PDS5B: variants seen among roughly 807,000 people sequenced by gnomAD.
PDS5B encodes the protein PDS5 cohesin associated factor B.
A neutral mutation model predicts 184.1 loss-of-function variants in PDS5B; 51 were observed. The ratio of observed to expected loss-of-function variants is 0.28; its 90% confidence interval spans 0.22 to 0.35. PDS5B has a LOEUF of 0.35. PDS5B is among the 10% of genes least tolerant of loss of function. PDS5B has a pLI of 1.00. For missense variants in PDS5B, 1,180 were observed against 1,723.3 expected (o/e 0.68, Z 5.58); for synonymous variants, 566 against 569.2 (o/e 0.99, Z 0.08).
chr13:32,717,700 A>T (rs1318378864), intron 19 of PDS5B, among the ~76,000 whole-genome samples: 176 of 149,622 alleles, frequency 1.2e-3, no homozygotes, highest in African/African-American at 3.8e-3. Context: ...AAAAAAAAAA[A>T]AATAAATAAA....
At chr13:32,680,476 T>C (rs1226779854) in intron 10 of PDS5B, among the ~76,000 whole-genome samples, 5 of 152,248 alleles carry the variant, frequency 3.3e-5, no homozygotes, top group Non-Finnish European at 5.9e-5. Context: ...TACTAATGTG[T>C]TTGGGAAAAG....
intron 1 of PDS5B, among the ~76,000 whole-genome samples, chr13:32,633,247 A>C (rs2058485798): frequency 2.0e-5 from 3 of 152,212 alleles, no homozygotes; most frequent in Non-Finnish European, 4.4e-5. Flanking sequence ...GTGGTTGCAC[A>C]ATATTGTAAA....
At chr13:32,765,130 C>A (rs1031631285) in intron 31 of PDS5B, among the ~76,000 whole-genome samples, 1 of 152,082 alleles carries the variant, frequency 6.6e-6, no homozygotes, top group Admixed American at 6.5e-5. Flanking sequence ...TGTTTTAAGA[C>A]AAATTTGTTA....
chr13:32,722,658 T>C (rs1186351045), intron 19 of PDS5B, among the ~76,000 whole-genome samples: 1 of 152,272 alleles, frequency 6.6e-6, no homozygotes, highest in African/African-American at 2.4e-5. Flanking sequence ...GACTGTATTT[T>C]AAACAAATTA....
rs78390516 is a variant in PDS5B, at chr13:32,596,206, G to A, written c.-20+9613G>A. 8.4e-3 allele frequency among the ~76,000 whole-genome samples: 1,285 copies of A among 152,212 alleles called. 21 individuals are homozygous for A. Among genetic ancestry groups the A allele is most frequent in the African/African-American group, 0.03 (1,242 of 41,518 alleles). ...TTTTATTACCCCACAACGTTTCCTTGTTGCTCTCTCCATTCAATTTCTTTT... is the reference window on the plus strand; with the variant it reads ...TTTTATTACCCCACAACGTTTCCTTATTGCTCTCTCCATTCAATTTCTTTT... On this transcript the variant is annotated intron_variant, in intron 1 of 34. Coordinates refer to ENST00000315596, the MANE Select transcript of PDS5B (RefSeq NM_015032.4).
Position 32,706,949 on chromosome 13 carries a change from AG to A in PDS5B, c.1873del (p.Val625Ter). ...CATATTTTAGTGCTCTTATTAAACA[AG>A]TGAACAAATCAATAGATGGAACAGC... ...TESISALIKQ[V>X]NKSIDGTADD... is the part of the protein sequence containing the mutation. On this transcript the variant is annotated frameshift_variant, in exon 18 of 35. Coordinates refer to ENST00000315596, the MANE Select transcript of PDS5B (RefSeq NM_015032.4). LOFTEE classifies it high-confidence loss of function. The A allele has an allele frequency of 6.2e-7, 1 of 1,606,952 alleles. No homozygotes were observed. The highest frequency in any genetic ancestry group is 8.5e-7 in the Non-Finnish European group (1 of 1,176,956).
chr13:32,742,752 C>G (rs1953603176), intron 23 of PDS5B, 25 bp downstream of exon 23: 1 of 1,596,544 alleles, frequency 6.3e-7, no homozygotes, highest in African/African-American at 1.3e-5. Flanking sequence ...TTTCACAGTT[C>G]TTTGGATTGC....
chr13:32,712,361 C>G (rs1010117191), intron 19 of PDS5B, among the ~76,000 whole-genome samples: 2 of 152,158 alleles, frequency 1.3e-5, no homozygotes, highest in Admixed American at 6.5e-5. Flanking sequence ...TGAATTCCTG[C>G]AGTGTGCACA....
intron 19 of PDS5B, among the ~76,000 whole-genome samples, chr13:32,713,941 A>AGG (rs1952286886): frequency 6.6e-6 from 1 of 152,182 alleles, no homozygotes; most frequent in Non-Finnish European, 1.5e-5. Flanking sequence ...ATTTTTCCTA[A>AGG]GCGGCGGCCG....
intron 20 of PDS5B, among the ~76,000 whole-genome samples, chr13:32,734,347 T>C (rs565069496): frequency 3.3e-5 from 5 of 152,326 alleles, no homozygotes; most frequent in Non-Finnish European, 7.4e-5. Flanking sequence ...ACAATATATT[T>C]CTGATATCAT....
intron 34 of PDS5B, 152 bp from the exon 35 acceptor site, chr13:32,774,865 C>T (rs1346757272): frequency 6.8e-6 from 5 of 730,720 alleles, no homozygotes; most frequent in Non-Finnish European, 1.2e-5. Context: ...ATATGTGATG[C>T]CAGGGCAGAA....
chr13:32,729,059 A>G (rs979785979), intron 19 of PDS5B, among the ~76,000 whole-genome samples: 3 of 151,764 alleles, frequency 2.0e-5, no homozygotes, highest in Admixed American at 6.6e-5. Flanking sequence ...TAAGCCCTAC[A>G]TGCATTAGGT....
intron 30 of PDS5B, among the ~76,000 whole-genome samples, chr13:32,761,919 A>G (rs1375127971): frequency 6.6e-6 from 1 of 152,172 alleles, no homozygotes. Context: ...TCACATTCCC[A>G]CCAACAACAT....
At chr13:32,685,780 C>A (rs1316858479) in intron 11 of PDS5B, among the ~76,000 whole-genome samples, 1 of 152,008 alleles carries the variant, frequency 6.6e-6, no homozygotes, top group African/African-American at 2.4e-5. Flanking sequence ...GTAGGTGGTA[C>A]TACAGGCACA....
At chr13:32,621,797 C>T (rs1345973252) in intron 1 of PDS5B, among the ~76,000 whole-genome samples, 2 of 152,132 alleles carry the variant, frequency 1.3e-5, no homozygotes, top group African/African-American at 4.8e-5. Context: ...TGGAATATAG[C>T]CACACCTAAT....
At chr13:32,748,072 A>G (rs1953825391) in intron 24 of PDS5B, among the ~76,000 whole-genome samples, 1 of 152,224 alleles carries the variant, frequency 6.6e-6, no homozygotes. Context: ...TATCTTGACT[A>G]TGGAACATGT....
intron 2 of PDS5B, chr13:32,649,278 T>C (rs1950305811): frequency 6.3e-6 from 1 of 157,580 alleles, no homozygotes. Context: ...ATTTTCAAAG[T>C]AGGTCAAAGG....
rs1274451880 is a variant in PDS5B, at chr13:32,710,065, C to T, written c.2082C>T (p.Asn694=). The T allele has an allele frequency of 1.3e-6, 2 of 1,527,028 alleles. No individual in the cohort carries two copies. Among genetic ancestry groups the T allele is most frequent in the African/African-American group, 1.4e-5 (1 of 73,646 alleles). 94.6% of individuals were successfully genotyped at this position (1,527,028 alleles called of 1,614,324 possible). A position where few individuals can be genotyped will look rare whatever the true frequency, so the allele number is the denominator to read the frequency against. Residue 694 remains asparagine, a synonymous_variant, in exon 19 of 35, where the codon AAC becomes AAT. Coordinates refer to ENST00000315596, the MANE Select transcript of PDS5B (RefSeq NM_015032.4). Reference sequence around the variant, plus strand: ...AAGCTGCACTACAAATTTTCAAAAACACAGGAAGCAAAATTGAAGAGGATT... The same window carrying T: ...AAGCTGCACTACAAATTTTCAAAAATACAGGAAGCAAAATTGAAGAGGATT... The part of the protein sequence containing the change: ...VAEAALQIFK[N]TGSKIEEDFP...
At chr13:32,734,402 A>G (rs1045115200) in intron 20 of PDS5B, among the ~76,000 whole-genome samples, 1 of 152,208 alleles carries the variant, frequency 6.6e-6, no homozygotes, top group Non-Finnish European at 1.5e-5. Context: ...TTATCATGGT[A>G]AAATGCATAT....
Sources: allele counts gnomAD v4.1 joint callset (sites outside exome capture counted in the v4.1 genomes callset), GRCh38; gene constraint gnomAD v4.1.1; transcripts MANE v1.5; gene names NCBI Gene and HGNC (gene_info 2026-07-23, HGNC 2026-07-21).